SOX5: variants seen among roughly 807,000 people sequenced by gnomAD.
The protein encoded by SOX5 is transcription factor SOX-5.
A neutral mutation model predicts 92.0 loss-of-function variants in SOX5; 9 were observed. That is an observed-to-expected ratio of 0.10 (90% CI 0.06 to 0.17). The LOEUF (loss-of-function observed/expected upper bound fraction) is 0.17, where lower values mean the gene tolerates loss of function less well. Ranked by LOEUF, SOX5 falls within the 10% of genes least tolerant of loss-of-function variation. The pLI is 1.00. For synonymous variants in SOX5, 344 were observed against 336.3 expected (o/e 1.02, Z -0.25); for missense variants, 642 against 944.5 (o/e 0.68, Z 4.20).
chr12:23,855,305 G>A (rs1595079815), intron 2 of SOX5, among the ~76,000 whole-genome samples: 1 of 151,740 alleles, frequency 6.6e-6, no homozygotes, highest in East Asian at 1.9e-4. Flanking sequence ...AGAATAAAAG[G>A]TATTCCACAA....
intron 4 of SOX5, among the ~76,000 whole-genome samples, chr12:24,052,842 G>A (rs1957694723): frequency 1.3e-5 from 2 of 152,124 alleles, no homozygotes; most frequent in South Asian, 4.1e-4. Context: ...TCACTAATTT[G>A]TAACCAATAA....
intron 4 of SOX5, among the ~76,000 whole-genome samples, chr12:24,066,431 T>A (rs2137352370): frequency 6.6e-6 from 1 of 152,308 alleles, no homozygotes; most frequent in East Asian, 1.9e-4. Context: ...TAGCTGTACA[T>A]GATAGGTGCT....
At chr12:23,829,955 C>G (rs2096288526) in intron 3 of SOX5, among the ~76,000 whole-genome samples, 1 of 152,086 alleles carries the variant, frequency 6.6e-6, no homozygotes, top group South Asian at 2.1e-4. Context: ...TACTCAGCTC[C>G]AGGACCTGCT....
At chr12:23,906,681 A>T (rs1260672944) in intron 1 of SOX5, among the ~76,000 whole-genome samples, 1 of 152,220 alleles carries the variant, frequency 6.6e-6, no homozygotes, top group African/African-American at 2.4e-5. Flanking sequence ...AGTAAAAACT[A>T]TCTCTTCCGA....
At chr12:24,091,575 A>G (rs1458698863) in intron 4 of SOX5, among the ~76,000 whole-genome samples, 1 of 151,922 alleles carries the variant, frequency 6.6e-6, no homozygotes, top group Non-Finnish European at 1.5e-5. Flanking sequence ...GATTACAGGC[A>G]CACACCACCA....
At chr12:24,428,106 C>T (rs1026863901) in intron 1 of SOX5, among the ~76,000 whole-genome samples, 25 of 151,694 alleles carry the variant, frequency 1.6e-4, no homozygotes, top group Non-Finnish European at 8.8e-5. Context: ...AAGCTGTGAC[C>T]GTGCTAATTA....
chr12:23,781,296 G>A (rs78386723), intron 3 of SOX5, among the ~76,000 whole-genome samples: 2,109 of 150,938 alleles, frequency 0.014, 68 homozygotes, highest in South Asian at 0.089. Flanking sequence ...CTCTGCTCTG[G>A]CCAACTAACC....
At chr12:23,589,719 A>G (rs1386710825) in intron 9 of SOX5, among the ~76,000 whole-genome samples, 1 of 151,978 alleles carries the variant, frequency 6.6e-6, no homozygotes, top group Non-Finnish European at 1.5e-5. Flanking sequence ...TTTAAATTTC[A>G]GAGTCGTTTT....
rs147416529 is a variant in SOX5, at chr12:24,307,239, A to G, written c.-173-29927T>C. On this transcript the variant is annotated intron_variant, in intron 2 of 4. Coordinates refer to the SOX5 transcript ENST00000446891. ...CTCTGAAAGAGGCATTATTTTTCCT[A>G]TTTACTAGTGAGGAAATAGAAGCTT... 1.3e-4 allele frequency among the ~76,000 whole-genome samples: 20 copies of G among 152,232 alleles called. No individual in the cohort carries two copies. In the East Asian group the frequency reaches 3.7e-3, roughly 28 times the overall value.
chr12:24,284,314 T>A (rs1945568766), intron 2 of SOX5, among the ~76,000 whole-genome samples: 2 of 152,130 alleles, frequency 1.3e-5, no homozygotes, highest in South Asian at 4.1e-4. Context: ...TGTAGGCTGA[T>A]CCCTGGAGGT....
intron 3 of SOX5, among the ~76,000 whole-genome samples, chr12:24,231,590 T>G (rs1963413399): frequency 1.3e-5 from 2 of 152,322 alleles, no homozygotes; most frequent in African/African-American, 2.4e-5. Context: ...ACTCAGAAAC[T>G]TATCTAATGT....
intron 4 of SOX5, among the ~76,000 whole-genome samples, chr12:24,007,116 G>C: frequency 7.3e-6 from 1 of 137,456 alleles, no homozygotes; most frequent in East Asian, 2.1e-4. Context: ...CTAGGTGACA[G>C]AGCGAGACTC....
At chr12:24,465,474 A>T (rs1944123897) in intron 1 of SOX5, among the ~76,000 whole-genome samples, 1 of 152,180 alleles carries the variant, frequency 6.6e-6, no homozygotes, top group Non-Finnish European at 1.5e-5. Context: ...GGATGCTGAA[A>T]ATTGAAGAGT....
intron 5 of SOX5, among the ~76,000 whole-genome samples, chr12:23,737,390 A>G (rs918855830): frequency 6.6e-6 from 1 of 152,044 alleles, no homozygotes; most frequent in African/African-American, 2.4e-5. Flanking sequence ...AATACAAAAA[A>G]TTAGCCAGGC....
At chr12:24,000,765 A>C (rs992860423) in intron 4 of SOX5, among the ~76,000 whole-genome samples, 3 of 152,192 alleles carry the variant, frequency 2.0e-5, no homozygotes, top group Non-Finnish European at 4.4e-5. Context: ...CTGTAATGCA[A>C]GATTTTTTTA....
intron 8 of SOX5, among the ~76,000 whole-genome samples, chr12:23,629,798 T>C (rs2078300931): frequency 6.6e-6 from 1 of 152,002 alleles, no homozygotes; most frequent in Non-Finnish European, 1.5e-5. Context: ...CCAAGGATCC[T>C]TGACTGATTC....
At chr12:23,540,019 A>G (rs899194878) in intron 13 of SOX5, among the ~76,000 whole-genome samples, 1 of 151,956 alleles carries the variant, frequency 6.6e-6, no homozygotes, top group African/African-American at 2.4e-5. Context: ...TAACCATTGT[A>G]TGCAGCTGAG....
rs1236099460 is a variant in SOX5 at position 23,604,557 on chromosome 12, G to A, written c.1018-24C>T. 1.9e-6 allele frequency: 3 copies of A among 1,605,490 alleles called. No homozygotes were observed. In the African/African-American group the frequency reaches 4.0e-5, roughly 21 times the overall value. On this transcript the variant is annotated intron_variant, in intron 8 of 14. Transcript: ENST00000451604. ...TGCTACAGAAGAAAAAGAGAGAGAG[G>A]GAGAAAGAATACTGTGAATAATAAA...
intron 4 of SOX5, among the ~76,000 whole-genome samples, chr12:24,141,844 G>T (rs1343487029): frequency 1.3e-5 from 2 of 152,118 alleles, no homozygotes; most frequent in Non-Finnish European, 2.9e-5. Context: ...TTTTAAGGGG[G>T]TATGGAGAAT....
Sources: allele counts gnomAD v4.1 joint callset (sites outside exome capture counted in the v4.1 genomes callset), GRCh38; gene constraint gnomAD v4.1.1; transcripts MANE v1.5; gene names NCBI Gene and HGNC (gene_info 2026-07-23, HGNC 2026-07-21).